The following MGAT5B variants were observed in gnomAD, a reference collection of about 807,000 sequenced individuals.
MGAT5B encodes the protein N-acetylglucosaminyl-transferase Vb.
MGAT5B carries 54 observed loss-of-function variants against 95.1 expected under a neutral mutation model. The ratio of observed to expected loss-of-function variants is 0.57; its 90% CI spans 0.46 to 0.71. The LOEUF (loss-of-function observed/expected upper bound fraction) is 0.71. Ranked by LOEUF, MGAT5B falls within the 30% of genes least tolerant of loss-of-function variation. MGAT5B has a pLI of 0.00. For synonymous variants in MGAT5B, 464 were observed against 451.0 expected (o/e 1.03, Z -0.36); for missense variants, 935 against 1,088.6 (o/e 0.86, Z 1.99).
chr17:76,891,388 T>A (rs1967863065), intron 3 of MGAT5B, among the ~76,000 whole-genome samples: 1 of 152,012 alleles, frequency 6.6e-6, no homozygotes, highest in Non-Finnish European at 1.5e-5. Flanking sequence ...TTCTTTCTTT[T>A]TTGTTTCTGG....
Position 76,949,687 on chromosome 17 carries a change from C to T in MGAT5B, c.*849C>T, listed in dbSNP as rs572551891. Reference sequence around the variant, plus strand: ...CCAAAGCCTCAATCCCTACCCCCTCCAAGGGGCAGGTTTCCAGTCCAGCCT... The same window carrying T: ...CCAAAGCCTCAATCCCTACCCCCTCTAAGGGGCAGGTTTCCAGTCCAGCCT... On this transcript the variant is annotated 3_prime_UTR_variant, in exon 18 of 18. Coordinates refer to ENST00000569840, the MANE Select transcript of MGAT5B (RefSeq NM_001199172.2). 1 of 152,302 alleles carries T rather than the reference C, an allele frequency of 6.6e-6. No individual in the cohort carries two copies. Among genetic ancestry groups the T allele is most frequent in the African/African-American group, 2.4e-5 (1 of 41,554 alleles). 9.4% of individuals were successfully genotyped at this position (152,302 alleles called of 1,614,324 possible).
At chr17:76,872,572 C>A in intron 1 of MGAT5B, 2 of 1,245,764 alleles carry the variant, frequency 1.6e-6, no homozygotes, top group East Asian at 2.6e-5. Flanking sequence ...ACCAGCTCTG[C>A]CTGGAGGCTA....
chr17:76,921,999 G>A (rs1446943425), intron 8 of MGAT5B, among the ~76,000 whole-genome samples: 3 of 152,204 alleles, frequency 2.0e-5, no homozygotes, highest in South Asian at 2.1e-4. Flanking sequence ...TGAAGATGGC[G>A]AGGATGATGG....
chr17:76,887,110 G>C (rs1967661663), intron 3 of MGAT5B, among the ~76,000 whole-genome samples: 1 of 152,158 alleles, frequency 6.6e-6, no homozygotes, highest in Non-Finnish European at 1.5e-5. Context: ...AGCTGGCGCT[G>C]TAGCCCTGGA....
At chr17:76,932,797 G>C in intron 11 of MGAT5B, 22 bp downstream of exon 11, 2 of 1,612,282 alleles carry the variant, frequency 1.2e-6, no homozygotes, top group Non-Finnish European at 1.7e-6. Flanking sequence ...CCCTGCGCGC[G>C]GGAAGCACCA....
In MGAT5B at chr17:76,938,929, T is replaced by G. The variant is rs1969761979; in HGVS notation, c.1584+786T>G. Among the ~76,000 whole-genome samples the G allele has an allele frequency of 6.6e-6, 1 of 151,770 alleles. No individual in the cohort carries two copies. The highest frequency in any genetic ancestry group is 1.5e-5 in the Non-Finnish European group (1 of 67,980). Reference sequence around the variant, plus strand: ...CCTGGGCTTAAGCGATCCTACCACCTCGGCCTCTCAAAGTGCTGGGATTAC... The same window carrying G: ...CCTGGGCTTAAGCGATCCTACCACCGCGGCCTCTCAAAGTGCTGGGATTAC... On this transcript the variant is annotated intron_variant, in intron 13 of 17. Coordinates refer to ENST00000569840, the MANE Select transcript of MGAT5B (RefSeq NM_001199172.2). This position sits in a 1 kb window ranked among gnomAD's most constrained non-coding sequence, Gnocchi z 4.3.
At chr17:76,880,177 T>C (rs1967357669) in intron 2 of MGAT5B, among the ~76,000 whole-genome samples, 1 of 152,154 alleles carries the variant, frequency 6.6e-6, no homozygotes, top group Non-Finnish European at 1.5e-5. Flanking sequence ...CTCTCCTCCT[T>C]TTCTTCTGCC....
At chr17:76,910,323 C>T (rs1968690391) in intron 8 of MGAT5B, among the ~76,000 whole-genome samples, 1 of 152,206 alleles carries the variant, frequency 6.6e-6, no homozygotes, top group South Asian at 2.1e-4. Flanking sequence ...GAATATGCAT[C>T]GATGCTGTCT....
At position 76,914,895 on chromosome 17, in the gene MGAT5B, C is replaced by A. The variant is rs1360573278; in HGVS notation, c.1025+8708C>A. Among the ~76,000 whole-genome samples, 1 of 152,204 alleles carries A rather than the reference C, an allele frequency of 6.6e-6. No individual in the cohort carries two copies. The highest frequency in any genetic ancestry group is 1.5e-5 in the Non-Finnish European group (1 of 68,034). On this transcript the variant is annotated intron_variant, in intron 8 of 17. Transcript: ENST00000569840. The surrounding 1 kb of genome is among the most constrained non-coding windows in gnomAD (Gnocchi z 5.1). ...TCAGGTGTTCCACCCACCTCGGCCTCCCAAAGTGCTGGGATTACAGGCGTG... is the reference window on the plus strand; with the variant it reads ...TCAGGTGTTCCACCCACCTCGGCCTACCAAAGTGCTGGGATTACAGGCGTG...
intron 3 of MGAT5B, among the ~76,000 whole-genome samples, chr17:76,891,450 G>T (rs768528123): frequency 1.3e-4 from 20 of 151,784 alleles, no homozygotes; most frequent in Non-Finnish European, 2.4e-4. Flanking sequence ...TACAATCTCG[G>T]CTCACTACAA....
At chr17:76,931,252 A>G (rs1169228648) in intron 10 of MGAT5B, among the ~76,000 whole-genome samples, 1 of 152,012 alleles carries the variant, frequency 6.6e-6, no homozygotes, top group Non-Finnish European at 1.5e-5. Flanking sequence ...GTGCGCCACC[A>G]CACCCGGTTA....
At position 76,948,736 on chromosome 17, in the gene MGAT5B, T is replaced by C. The variant is rs1465547065; in HGVS notation, c.2277T>C (p.Pro759=). The change falls in exon 18 of 18, where the codon CCT becomes CCC. Residue 759 remains proline, a synonymous_variant. Coordinates refer to ENST00000569840, the MANE Select transcript of MGAT5B (RefSeq NM_001199172.2). ...AGGAGTGCTACCTGCAGAAGGAGCC[T>C]CTGCTCTTCAGCTGCGCCGGCTCCA... ...PGQECYLQKE[P]LLFSCAGSNT... 1.2e-6 allele frequency: 2 copies of C among 1,612,866 alleles called. No homozygotes were observed. Among genetic ancestry groups the C allele is most frequent in the South Asian group, 1.1e-5 (1 of 90,786 alleles).
chr17:76,923,851 G>C (rs924273209), intron 8 of MGAT5B: 1 of 152,244 alleles, frequency 6.6e-6, no homozygotes, highest in Non-Finnish European at 1.5e-5. Flanking sequence ...GTGCCTGACC[G>C]GGTTCTGCAT....
chr17:76,933,355 C>T (rs1969556373), intron 12 of MGAT5B, 58 bp downstream of exon 12: 6 of 1,591,960 alleles, frequency 3.8e-6, no homozygotes, highest in Non-Finnish European at 5.1e-6. Flanking sequence ...CCCTCTCCAG[C>T]AGCCACTCCA....
intron 3 of MGAT5B, among the ~76,000 whole-genome samples, chr17:76,882,705 C>CTTTTT (rs763528809): frequency 2.9e-5 from 2 of 70,172 alleles, no homozygotes; most frequent in Non-Finnish European, 4.9e-5. Context: ...TCCACTGCCC[C>CTTTTT]TTTTTTTTTT....
chr17:76,945,889 C>T (rs770706763), intron 15 of MGAT5B, among the ~76,000 whole-genome samples: 33 of 152,128 alleles, frequency 2.2e-4, no homozygotes, highest in Admixed American at 1.6e-3. Flanking sequence ...AGAGACATGA[C>T]GAATACACAG....
At chr17:76,897,821 C>T (rs1389724398) in intron 3 of MGAT5B, among the ~76,000 whole-genome samples, 6 of 149,528 alleles carry the variant, frequency 4.0e-5, no homozygotes, top group South Asian at 2.1e-4. Context: ...TTTGGGAGGC[C>T]GAGGTGGGTG....
intron 3 of MGAT5B, among the ~76,000 whole-genome samples, chr17:76,897,574 A>G (rs890250905): frequency 3.9e-5 from 6 of 152,092 alleles, no homozygotes; most frequent in Non-Finnish European, 7.4e-5. Context: ...GAAGGACCCC[A>G]GTCATTGGAC....
At chr17:76,895,984 G>A (rs1483126232) in intron 3 of MGAT5B, among the ~76,000 whole-genome samples, 1 of 152,168 alleles carries the variant, frequency 6.6e-6, no homozygotes, top group Non-Finnish European at 1.5e-5. Context: ...CCTGGCCCTG[G>A]TGGAGAAGTC....
Sources: gnomAD v4.1 joint callset for allele counts (sites outside exome capture counted in the v4.1 genomes callset) on GRCh38, gnomAD v4.1.1 for gene constraint, Gnocchi (gnomAD v3.1) non-coding constraint, MANE v1.5 for transcripts, NCBI Gene and HGNC (gene_info 2026-07-23, HGNC 2026-07-21) for gene names.